The following IL20RB variants were observed in gnomAD, a reference collection of about 807,000 sequenced individuals.
IL20RB encodes the protein interleukin 20 receptor subunit beta, also known as interleukin-20 receptor subunit beta.
IL20RB carries 21 observed loss-of-function variants against 33.3 expected under a neutral mutation model. The observed-to-expected ratio is 0.63, with a 90% CI of 0.45 to 0.91. The LOEUF (loss-of-function observed/expected upper bound fraction) is 0.91, where lower values mean the gene tolerates loss of function less well. IL20RB is among the 40% of genes least tolerant of loss of function. IL20RB has a pLI of 0.00. For synonymous variants in IL20RB, 147 were observed against 146.8 expected, an observed-to-expected ratio of 1.00 and a Z score of -0.01; for missense variants, 345 against 384.8, an observed-to-expected ratio of 0.90 and a Z score of 0.86.
intron 4 of IL20RB, 61 bp from the exon 5 acceptor site, chr3:136,991,877 T>C (rs1942038837): frequency 6.4e-7 from 1 of 1,569,266 alleles, no homozygotes; most frequent in South Asian, 1.2e-5. Context: ...CCCAAAGTGC[T>C]GGGATTATAG....
At chr3:136,999,615 A>G (rs1460220789) in intron 6 of IL20RB, among the ~76,000 whole-genome samples, 2 of 141,536 alleles carry the variant, frequency 1.4e-5, no homozygotes, top group Non-Finnish European at 3.1e-5. Flanking sequence ...TCTTATTTAT[A>G]TTAGACCTTC....
At chr3:137,000,260 G>A (rs969148766) in intron 6 of IL20RB, among the ~76,000 whole-genome samples, 1 of 152,208 alleles carries the variant, frequency 6.6e-6, no homozygotes, top group African/African-American at 2.4e-5. Context: ...ACTGGTAGGA[G>A]CTTTCCCCAC....
chr3:136,991,269 GA>G (rs967722986), intron 4 of IL20RB, among the ~76,000 whole-genome samples: 3 of 152,210 alleles, frequency 2.0e-5, no homozygotes, highest in Non-Finnish European at 4.4e-5. Context: ...CTCTGTTTAA[GA>G]TGGTGCCTCC....
rs564251799 is a variant in IL20RB, at chr3:136,980,446, G to C, written c.89-20G>C. ...CACTATGAGCCCACCTGTCAGCCAGGCTATCTGCCTTGATCCTAGATGAAG... is the reference window on the plus strand; with the variant it reads ...CACTATGAGCCCACCTGTCAGCCAGCCTATCTGCCTTGATCCTAGATGAAG... On this transcript the variant is annotated intron_variant, in intron 1 of 6. Coordinates refer to ENST00000329582, the MANE Select transcript of IL20RB (RefSeq NM_144717.4). 2.9e-5 allele frequency: 47 copies of C among 1,614,018 alleles called. No individual in the cohort carries two copies. In the South Asian group the frequency reaches 4.6e-4, roughly 16 times the overall value.
intron 6 of IL20RB, among the ~76,000 whole-genome samples, chr3:137,000,043 G>A (rs1942210598): frequency 6.6e-6 from 1 of 151,976 alleles, no homozygotes; most frequent in African/African-American, 2.4e-5. Flanking sequence ...CCTATATTTT[G>A]TATGTCTAGT....
chr3:136,982,343 A>C lies in IL20RB; in HGVS notation c.399A>C (p.Arg133Ser). The C allele has an allele frequency of 6.3e-7, 1 of 1,578,790 alleles. No individual in the cohort carries two copies. The highest frequency in any genetic ancestry group is 8.7e-7 in the Non-Finnish European group (1 of 1,154,548). ...AWSILKHPFN[R>S]NSTILTRPGM... ...GCATCCTGAAGCATCCCTTTAATAG[A>C]AACTCAAGTAAGGCACTTCTCTCCT... Residue 133 changes from arginine to serine, a missense_variant, in exon 3 of 7, where the codon AGA (arginine) becomes AGC (serine). Physicochemically the swap from Arg to Ser is moderately radical, Grantham distance 110. Transcript: ENST00000329582.
chr3:136,985,148 G>C (rs1371856486), intron 3 of IL20RB, among the ~76,000 whole-genome samples: 1 of 152,202 alleles, frequency 6.6e-6, no homozygotes, highest in East Asian at 1.9e-4. Context: ...GTCTGTACTT[G>C]CATCAGAAGA....
chr3:136,978,047 C>A (rs528162839), intron 1 of IL20RB, among the ~76,000 whole-genome samples: 110 of 152,120 alleles, frequency 7.2e-4, no homozygotes, highest in Admixed American at 7.2e-4. Context: ...GGAGAGGAAG[C>A]ATTCAGTCCT....
chr3:136,985,854 G>A (rs1941885365), intron 3 of IL20RB, among the ~76,000 whole-genome samples: 1 of 152,162 alleles, frequency 6.6e-6, no homozygotes, highest in African/African-American at 2.4e-5. Context: ...CTAGCAAAGA[G>A]GCTAAACACC....
At chr3:136,979,535 G>A (rs1420276520) in intron 1 of IL20RB, among the ~76,000 whole-genome samples, 1 of 152,222 alleles carries the variant, frequency 6.6e-6, no homozygotes, top group Non-Finnish European at 1.5e-5. Flanking sequence ...TGACATGTGA[G>A]GATGAAGTTT....
intron 4 of IL20RB, 80 bp from the exon 5 acceptor site, chr3:136,991,858 C>T (rs1942038363): frequency 6.7e-7 from 1 of 1,493,784 alleles, no homozygotes; most frequent in Admixed American, 1.8e-5. Context: ...GATCCGCCCG[C>T]CTCAGGCTCC....
intron 6 of IL20RB, among the ~76,000 whole-genome samples, chr3:137,009,042 C>T (rs1434451689): frequency 1.3e-5 from 2 of 152,200 alleles, no homozygotes; most frequent in Non-Finnish European, 2.9e-5. Context: ...AACACCCCCG[C>T]TTAGTGAATG....
chr3:137,007,338 C>G (rs1044859502), intron 6 of IL20RB, among the ~76,000 whole-genome samples: 1 of 151,900 alleles, frequency 6.6e-6, no homozygotes, highest in Non-Finnish European at 1.5e-5. Context: ...CAGACAGGGA[C>G]GTTTAAGTCT....
At chr3:136,997,116 G>A (rs189000413) in intron 6 of IL20RB, among the ~76,000 whole-genome samples, 1 of 145,268 alleles carries the variant, frequency 6.9e-6, no homozygotes, top group East Asian at 2.0e-4. Context: ...TTTTTTTTTC[G>A]AGACGGAGTT....
chr3:136,970,807 C>T (rs1215197974), intron 1 of IL20RB, among the ~76,000 whole-genome samples: 1 of 151,942 alleles, frequency 6.6e-6, no homozygotes, highest in Non-Finnish European at 1.5e-5. Context: ...CGTGTGCCAC[C>T]ACACCAGGCT....
chr3:136,994,546 C>T (rs1942090859), intron 5 of IL20RB, among the ~76,000 whole-genome samples: 3 of 152,142 alleles, frequency 2.0e-5, no homozygotes, highest in South Asian at 2.1e-4. Context: ...GCCACAAGTC[C>T]ACCAGCTTCT....
chr3:136,964,632 C>A (rs200091780), intron 1 of IL20RB, among the ~76,000 whole-genome samples: 3,020 of 73,156 alleles, frequency 0.041, 4 homozygotes, highest in Non-Finnish European at 0.049. Flanking sequence ...AATTTTCTCC[C>A]ATTCTGTAGG....
In IL20RB at chr3:137,010,359, T is replaced by C. The variant is rs1933062082; in HGVS notation, c.*136T>C. 1 of 605,152 alleles carries C rather than the reference T, an allele frequency of 1.7e-6. No individual in the cohort carries two copies. The highest frequency in any genetic ancestry group is 1.9e-5 in the African/African-American group (1 of 53,882). The allele number at this position is 605,152 out of a possible 1,614,324, so 37.5% of individuals were successfully genotyped here. ...AGGAAGAGCCTGTTGTCTACAAGTCTAGAAGCAACCATCAGAGGCAGGGTG... is the reference window on the plus strand; with the variant it reads ...AGGAAGAGCCTGTTGTCTACAAGTCCAGAAGCAACCATCAGAGGCAGGGTG... On this transcript the variant is annotated 3_prime_UTR_variant, in exon 7 of 7. Coordinates refer to ENST00000329582, the MANE Select transcript of IL20RB (RefSeq NM_144717.4).
chr3:136,982,882 A>G (rs1264603204), intron 3 of IL20RB, among the ~76,000 whole-genome samples: 2 of 152,248 alleles, frequency 1.3e-5, no homozygotes, highest in Non-Finnish European at 1.5e-5. Flanking sequence ...GAAGTAATAG[A>G]GGAATCCAGA....
Sources: gnomAD v4.1 joint callset for allele counts (sites outside exome capture counted in the v4.1 genomes callset) on GRCh38, gnomAD v4.1.1 for gene constraint, MANE v1.5 for transcripts, NCBI Gene and HGNC (gene_info 2026-07-23, HGNC 2026-07-21) for gene names.